NUTM2G: variants seen among roughly 807,000 people sequenced by gnomAD.
The protein encoded by NUTM2G is NUT family member 2G.
NUTM2G carries 29 observed loss-of-function variants against 44.3 expected under a neutral mutation model. The observed-to-expected ratio is 0.66, with a 90% CI of 0.49 to 0.89. The LOEUF is 0.89. Ranked by LOEUF, NUTM2G falls within the 40% of genes least tolerant of loss-of-function variation. NUTM2G has a pLI of 0.00. For missense variants in NUTM2G, 502 were observed against 946.5 expected, an observed-to-expected ratio of 0.53 and a Z score of 6.16; for synonymous variants, 205 against 395.9, an observed-to-expected ratio of 0.52 and a Z score of 5.72.
At position 96,931,932 on chromosome 9, in the gene NUTM2G, C is replaced by A; in HGVS notation, c.227C>A (p.Ala76Asp). ...AGQDGRGPSG[A>D]GASNVFVQMR... ...CAGGATGGCCGCGGCCCAAGTGGGGCTGGGGCTTCCAACGTCTTTGTCCAG... is the reference window on the plus strand; with the variant it reads ...CAGGATGGCCGCGGCCCAAGTGGGGATGGGGCTTCCAACGTCTTTGTCCAG... Residue 76 changes from alanine (A) to aspartate (D), a missense_variant, in exon 2 of 7, where the codon GCT becomes GAT. Transcript: ENST00000372322. 6.2e-7 allele frequency: 1 copy of A among 1,612,014 alleles called. No individual in the cohort carries two copies. Among genetic ancestry groups the A allele is most frequent in the African/African-American group, 1.3e-5 (1 of 74,998 alleles).
chr9:96,935,359 C>T lies in NUTM2G; in HGVS notation c.745C>T (p.Pro249Ser). Residue 249 changes from proline (P) to serine (S), a missense_variant, in exon 3 of 7, where the codon CCC (proline) becomes TCC (serine). Transcript: ENST00000372322. ...TCTCCGATCCCTGGCCCGGCGGAAGCCCACCATGACGCTGGAGGAGGGACT... is the reference window on the plus strand; with the variant it reads ...TCTCCGATCCCTGGCCCGGCGGAAGTCCACCATGACGCTGGAGGAGGGACT... ...PVLRSLARRK[P>S]TMTLEEGLWR... 1 of 1,612,024 alleles carries T rather than the reference C, an allele frequency of 6.2e-7. No homozygotes were observed. The highest frequency in any genetic ancestry group is 8.5e-7 in the Non-Finnish European group (1 of 1,179,862).
intron 4 of NUTM2G, 102 bp downstream of exon 4, chr9:96,936,666 G>T: frequency 1.3e-6 from 2 of 1,482,494 alleles, no homozygotes; most frequent in Non-Finnish European, 1.8e-6. Context: ...AGGGGGATTT[G>T]CTCCCTCCAA....
At chr9:96,930,483 C>A in intron 1 of NUTM2G, among the ~76,000 whole-genome samples, 1 of 144,908 alleles carries the variant, frequency 6.9e-6, no homozygotes, top group Non-Finnish European at 1.5e-5. Flanking sequence ...GAGATCGCAC[C>A]ACTGCACTCC....
At chr9:96,936,707 A>G in intron 4 of NUTM2G, 143 bp downstream of exon 4, 1 of 1,429,352 alleles carries the variant, frequency 7.0e-7, no homozygotes, top group East Asian at 2.5e-5. Flanking sequence ...TATGTTGGGT[A>G]TTGACCAGGT....
At chr9:96,934,724 T>G (rs1005345698) in intron 2 of NUTM2G, among the ~76,000 whole-genome samples, 2 of 151,718 alleles carry the variant, frequency 1.3e-5, no homozygotes, top group African/African-American at 4.8e-5. Flanking sequence ...TCTGTGTGCA[T>G]GGTGTCTCAG....
chr9:96,930,077 G>A (rs1459715756), intron 1 of NUTM2G, among the ~76,000 whole-genome samples: 1 of 152,234 alleles, frequency 6.6e-6, no homozygotes, highest in East Asian at 1.9e-4. Context: ...CTAGTGAACA[G>A]GGATGAGTTC....
In NUTM2G at chr9:96,935,361, C is replaced by T. The variant is rs373434858; in HGVS notation, c.747C>T (p.Pro249=). ...PVLRSLARRK[P]TMTLEEGLWR... ...TCCGATCCCTGGCCCGGCGGAAGCCCACCATGACGCTGGAGGAGGGACTGT... is the reference window on the plus strand; with the variant it reads ...TCCGATCCCTGGCCCGGCGGAAGCCTACCATGACGCTGGAGGAGGGACTGT... The change falls in exon 3 of 7, where the codon CCC becomes CCT. Residue 249 remains proline, a synonymous_variant. Coordinates refer to ENST00000372322, the MANE Select transcript of NUTM2G (RefSeq NM_001170741.3). The T allele has an allele frequency of 1.9e-6, 3 of 1,612,020 alleles. No homozygotes were observed. Among genetic ancestry groups the T allele is most frequent in the Non-Finnish European group, 1.7e-6 (2 of 1,179,860 alleles).
chr9:96,935,432 TGA>T lies in NUTM2G; in HGVS notation c.819_820del (p.Met273IlefsTer13), dbSNP rs1163215964. On this transcript the variant is annotated frameshift_variant, in exon 3 of 7. Coordinates refer to ENST00000372322, the MANE Select transcript of NUTM2G (RefSeq NM_001170741.3). LOFTEE classifies it high-confidence loss of function. ...CAGCACACGAGCAACTTTGACCGGA[TGA>T]TTTTCTACGAGATGGCGGCAAAGTG... 1 of 1,611,974 alleles carries T rather than the reference TGA, an allele frequency of 6.2e-7. No individual in the cohort carries two copies. The highest frequency in any genetic ancestry group is 1.3e-5 in the African/African-American group (1 of 74,952).
rs776579129 is a variant in NUTM2G at position 96,937,872 on chromosome 9, C to T, written c.1324-13C>T. The T allele has an allele frequency of 6.2e-7, 1 of 1,606,744 alleles. No individual in the cohort carries two copies. The highest frequency in any genetic ancestry group is 1.3e-5 in the African/African-American group (1 of 74,692). ...TCCCCAGGAAGTTCACACCTTCTTC[C>T]TTCTGTTTCCAGGTGGAGGCCGTCA... On this transcript the variant is annotated splice_polypyrimidine_tract_variant and intron_variant, in intron 5 of 6. Transcript: ENST00000372322.
In NUTM2G at chr9:96,931,926, G is replaced by C; in HGVS notation, c.221G>C (p.Ser74Thr). 2 of 1,612,080 alleles carry C rather than the reference G, an allele frequency of 1.2e-6. No homozygotes were observed. The highest frequency in any genetic ancestry group is 2.2e-5 in the South Asian group (2 of 91,002). Residue 74 changes from serine (S) to threonine (T), a missense_variant, in exon 2 of 7, where the codon AGT becomes ACT. Ser to Thr is a moderately conservative substitution (Grantham distance 58, BLOSUM62 1). Coordinates refer to ENST00000372322, the MANE Select transcript of NUTM2G (RefSeq NM_001170741.3). Reference sequence around the variant, plus strand: ...GCAGGACAGGATGGCCGCGGCCCAAGTGGGGCTGGGGCTTCCAACGTCTTT... The same window carrying C: ...GCAGGACAGGATGGCCGCGGCCCAACTGGGGCTGGGGCTTCCAACGTCTTT... ...LVAGQDGRGP[S>T]GAGASNVFVQ...
In NUTM2G at chr9:96,935,380, G is replaced by A; in HGVS notation, c.766G>A (p.Gly256Arg). The A allele has an allele frequency of 6.2e-7, 1 of 1,612,070 alleles. No homozygotes were observed. Among genetic ancestry groups the A allele is most frequent in the Non-Finnish European group, 8.5e-7 (1 of 1,179,860 alleles). Reference sequence around the variant, plus strand: ...GAAGCCCACCATGACGCTGGAGGAGGGACTGTGGCGGGCCATGCGGGAATG... The same window carrying A: ...GAAGCCCACCATGACGCTGGAGGAGAGACTGTGGCGGGCCATGCGGGAATG... Reference protein sequence around the residue: ...RRKPTMTLEEGLWRAMREWQH... With the variant: ...RRKPTMTLEERLWRAMREWQH... The change falls in exon 3 of 7, where the codon GGA (glycine) becomes AGA (arginine). Residue 256 changes from glycine (G) to arginine (R), a missense_variant. Transcript: ENST00000372322.
At chr9:96,930,832 G>A (rs1826215316) in intron 1 of NUTM2G, among the ~76,000 whole-genome samples, 1 of 146,686 alleles carries the variant, frequency 6.8e-6, no homozygotes, top group South Asian at 2.2e-4. Flanking sequence ...TTATCTTCAG[G>A]GTTCCTAGGG....
intron 2 of NUTM2G, chr9:96,933,978 A>G (rs770271400): frequency 6.6e-6 from 1 of 152,186 alleles, no homozygotes; most frequent in Non-Finnish European, 1.5e-5. Flanking sequence ...GAACTCACAT[A>G]TGACATACGT....
At chr9:96,935,802 C>T (rs537493083) in intron 3 of NUTM2G, among the ~76,000 whole-genome samples, 3 of 152,282 alleles carry the variant, frequency 2.0e-5, no homozygotes, top group East Asian at 3.9e-4. Flanking sequence ...GAGTGGGGGG[C>T]AGGCTCCTCA....
chr9:96,934,132 C>T (rs888229473), intron 2 of NUTM2G, among the ~76,000 whole-genome samples: 2 of 152,070 alleles, frequency 1.3e-5, no homozygotes, highest in East Asian at 1.9e-4. Flanking sequence ...GAGTGCACCA[C>T]GAGCCCAGCA....
In NUTM2G at chr9:96,935,449, G is replaced by T. The variant is rs1461728386; in HGVS notation, c.835G>T (p.Ala279Ser). The change falls in exon 3 of 7, where the codon GCG becomes TCG. Residue 279 changes from alanine to serine, a missense_variant. Coordinates refer to ENST00000372322, the MANE Select transcript of NUTM2G (RefSeq NM_001170741.3). The stretch of plus-strand genomic sequence containing the variant: ...TGACCGGATGATTTTCTACGAGATG[G>T]CGGCAAAGTGAGTCTGGGGTCCTGG... ...NFDRMIFYEM[A>S]AKFLEFEAEE... 2 of 1,611,956 alleles carry T rather than the reference G, an allele frequency of 1.2e-6. No homozygotes were observed. Among genetic ancestry groups the T allele is most frequent in the African/African-American group, 2.7e-5 (2 of 74,868 alleles).
intron 1 of NUTM2G, among the ~76,000 whole-genome samples, chr9:96,931,372 G>C (rs938531610): frequency 6.6e-6 from 1 of 150,608 alleles, no homozygotes; most frequent in African/African-American, 2.5e-5. Context: ...AGCACACTGA[G>C]AGCCACCAAG....
At chr9:96,937,641 CTGTG>C (rs1384836378) in intron 5 of NUTM2G, among the ~76,000 whole-genome samples, 1 of 151,880 alleles carries the variant, frequency 6.6e-6, no homozygotes, top group East Asian at 1.9e-4. Flanking sequence ...TGTATGTTAC[CTGTG>C]TCTGTCTTTT....
At position 96,931,761 on chromosome 9, in the gene NUTM2G, G is replaced by A. The variant is rs1378740588; in HGVS notation, c.56G>A (p.Gly19Asp). 6.2e-7 allele frequency: 1 copy of A among 1,611,400 alleles called. No individual in the cohort carries two copies. The highest frequency in any genetic ancestry group is 8.5e-7 in the Non-Finnish European group (1 of 1,179,850). The change falls in exon 2 of 7, where the codon GGC (glycine) becomes GAC (aspartate). Residue 19 changes from glycine to aspartate, a missense_variant. Gly to Asp is a moderately conservative substitution (Grantham distance 94). Transcript: ENST00000372322. Reference sequence around the variant, plus strand: ...GGACCCGGCGTGACCGTGAACCCTGGCACCTCCCTGTCTGTGTTCACGGCT... The same window carrying A: ...GGACCCGGCGTGACCGTGAACCCTGACACCTCCCTGTCTGTGTTCACGGCT... Reference protein sequence around the residue: ...VLGPGVTVNPGTSLSVFTALP... With the variant: ...VLGPGVTVNPDTSLSVFTALP...
Sources: gnomAD v4.1 joint callset for allele counts (sites outside exome capture counted in the v4.1 genomes callset) on GRCh38, gnomAD v4.1.1 for gene constraint, MANE v1.5 for transcripts, NCBI Gene and HGNC (gene_info 2026-07-23, HGNC 2026-07-21) for gene names.